The following RP1L1 variants were observed in gnomAD, a reference collection of about 807,000 sequenced individuals.
RP1L1 encodes the protein retinitis pigmentosa 1-like 1 protein.
Under a neutral mutation model 15.7 loss-of-function variants are expected in RP1L1, and 27 were observed. That is an observed-to-expected ratio of 1.72 (90% CI 1.27 to 2.38). The LOEUF is 2.38. Ranked by LOEUF, RP1L1 falls within the 30% of genes most tolerant of loss-of-function variation. The pLI, the probability that RP1L1 is intolerant of heterozygous loss-of-function variation, is 0.00. For missense variants in RP1L1, 4,798 were observed against 3,075.9 expected (o/e 1.56, Z -13.24); for synonymous variants, 1,813 against 1,276.7 (o/e 1.42, Z -8.96).
At chr8:10,652,945 C>T (rs886540453) in intron 1 of RP1L1, among the ~76,000 whole-genome samples, 3 of 152,254 alleles carry the variant, frequency 2.0e-5, no homozygotes, top group Admixed American at 2.0e-4. Flanking sequence ...CTTTGGGGAT[C>T]GATGACATCC....
At position 10,623,134 on chromosome 8, in the gene RP1L1, C is replaced by A. The variant is rs777820137; in HGVS notation, c.68G>T (p.Arg23Leu). 6.2e-6 allele frequency: 10 copies of A among 1,606,728 alleles called. No individual in the cohort carries two copies. The highest frequency in any genetic ancestry group is 8.5e-6 in the Non-Finnish European group (10 of 1,176,582). Reference sequence around the variant, plus strand: ...CGTGACCTTGGTGACCGAGGGGGTGCGAGCCACAGAGGGCAGGAAGCACTC... The same window carrying A: ...CGTGACCTTGGTGACCGAGGGGGTGAGAGCCACAGAGGGCAGGAAGCACTC... ...HRECFLPSVA[R>L]TPSVTKVTPA... Residue 23 changes from arginine to leucine, a missense_variant, in exon 2 of 4, where the codon CGC (arginine) becomes CTC (leucine). Physicochemically the swap from Arg to Leu is moderately radical, Grantham distance 102. Transcript: ENST00000382483.
rs747180512 is a variant in RP1L1, at chr8:10,608,305, G to A, written c.5793C>T (p.Asp1931=). The A allele has an allele frequency of 2.1e-4, 332 of 1,610,846 alleles. 3 individuals are homozygous for A. The Middle Eastern group carries it at 0.01, about 50-fold the overall frequency. ...CCTCTGCACCTTCTGACTCTGGCTCGTCCTCCCCTTCAGTCTCCAGGGCCT... is the reference window on the plus strand; with the variant it reads ...CCTCTGCACCTTCTGACTCTGGCTCATCCTCCCCTTCAGTCTCCAGGGCCT... ...SVEALETEGE[D]EPESEGAEAQ... The change falls in exon 4 of 4, where the codon GAC becomes GAT. Residue 1931 remains aspartate (D), a synonymous_variant. Transcript: ENST00000382483.
At chr8:10,624,930 G>A (rs1037157224) in intron 1 of RP1L1, among the ~76,000 whole-genome samples, 4 of 152,208 alleles carry the variant, frequency 2.6e-5, no homozygotes, top group Admixed American at 6.5e-5. Flanking sequence ...CACCTTCAGT[G>A]ACTCTGAAGC....
At position 10,611,218 on chromosome 8, in the gene RP1L1, C is replaced by G; in HGVS notation, c.2880G>C (p.Trp960Cys). Residue 960 changes from tryptophan to cysteine, a missense_variant, in exon 4 of 4, where the codon TGG (tryptophan) becomes TGC (cysteine). Physicochemically the swap from Trp to Cys is radical, Grantham distance 215. Transcript: ENST00000382483. ...TGGGCTCTTCTGGAATGTTGTCCAG[C>G]CATTCGCGGACCACAGCCTCTGGAG... Reference protein sequence around the residue: ...RSSPEAVVREWLDNIPEEPIL... With the variant: ...RSSPEAVVRECLDNIPEEPIL... The G allele has an allele frequency of 4.3e-6, 7 of 1,613,018 alleles. No individual in the cohort carries two copies. Among genetic ancestry groups the G allele is most frequent in the Non-Finnish European group, 5.9e-6 (7 of 1,180,030 alleles).
At chr8:10,615,616 A>T (rs1446287352) in intron 3 of RP1L1, among the ~76,000 whole-genome samples, 1 of 151,770 alleles carries the variant, frequency 6.6e-6, no homozygotes. Context: ...CAAGTCTCAA[A>T]CTCCTGGGCT....
At chr8:10,631,091 G>A (rs1051538958) in intron 1 of RP1L1, among the ~76,000 whole-genome samples, 2 of 152,100 alleles carry the variant, frequency 1.3e-5, no homozygotes, top group African/African-American at 2.4e-5. Flanking sequence ...AGCCATGGTC[G>A]ACTTCGGAAC....
intron 2 of RP1L1, among the ~76,000 whole-genome samples, chr8:10,617,785 T>C (rs1797994192): frequency 6.6e-6 from 1 of 152,152 alleles, no homozygotes; most frequent in African/African-American, 2.4e-5. Flanking sequence ...CTCGATCTCC[T>C]GACCTCGTGA....
chr8:10,614,206 A>C (rs1465480494), intron 3 of RP1L1, among the ~76,000 whole-genome samples: 1 of 152,148 alleles, frequency 6.6e-6, no homozygotes, highest in Non-Finnish European at 1.5e-5. Flanking sequence ...CTCTGTGATT[A>C]TTAGTGGTGA....
In RP1L1 at chr8:10,613,162, C is replaced by G. The variant is rs746894471; in HGVS notation, c.936G>C (p.Lys312Asn). 1.2e-6 allele frequency: 2 copies of G among 1,613,796 alleles called. No homozygotes were observed. Among genetic ancestry groups the G allele is most frequent in the South Asian group, 2.2e-5 (2 of 91,086 alleles). Residue 312 changes from lysine (K) to asparagine (N), a missense_variant, in exon 4 of 4, where the codon AAG becomes AAC. By Grantham distance (94) the Lys-to-Asn change is moderately conservative (BLOSUM62 0). Coordinates refer to ENST00000382483, the MANE Select transcript of RP1L1 (RefSeq NM_178857.6). ...GGCTGCCGTCCTCATTCATGCGGAC[C>G]TTCTTCTTCATGTCATCGCCAGCCA... ...PLVAGDDMKKKVRMNEDGSLS... is the reference protein window; with the variant it reads ...PLVAGDDMKKNVRMNEDGSLS...
At chr8:10,616,298 G>C in intron 3 of RP1L1, 148 bp downstream of exon 3, 1 of 977,348 alleles carries the variant, frequency 1.0e-6, no homozygotes, top group Non-Finnish European at 1.6e-6. Context: ...GAAGGAGGAA[G>C]AGGCAAGAGA....
chr8:10,610,002 C>T lies in RP1L1; in HGVS notation c.4096G>A (p.Gly1366Arg). The change falls in exon 4 of 4, where the codon GGG (glycine) becomes AGG (arginine). Residue 1366 changes from glycine to arginine, a missense_variant. By Grantham distance (125) the Gly-to-Arg change is moderately radical. Transcript: ENST00000382483. ...AACTGCACCCCCTCTTCTTGCAGCCCTTCTCCTCCTGTTTCTTCAATTTCC... is the reference window on the plus strand; with the variant it reads ...AACTGCACCCCCTCTTCTTGCAGCCTTTCTCCTCCTGTTTCTTCAATTTCC... Reference protein sequence around the residue: ...LEEIEETGGEGLQEEGVQLEE... With the variant: ...LEEIEETGGERLQEEGVQLEE... 1 of 1,588,316 alleles carries T rather than the reference C, an allele frequency of 6.3e-7. No homozygotes were observed. The highest frequency in any genetic ancestry group is 8.6e-7 in the Non-Finnish European group (1 of 1,165,810).
At position 10,611,130 on chromosome 8, in the gene RP1L1, G is replaced by A. The variant is rs767177199; in HGVS notation, c.2968C>T (p.Pro990Ser). The change falls in exon 4 of 4, where the codon CCC becomes TCC. Residue 990 changes from proline (P) to serine (S), a missense_variant. Pro to Ser is a moderately conservative substitution (Grantham distance 74). Coordinates refer to ENST00000382483, the MANE Select transcript of RP1L1 (RefSeq NM_178857.6). ...TGAAGGGLRGPEVDPGDDHSL... is the reference protein window; with the variant it reads ...TGAAGGGLRGSEVDPGDDHSL... ...TGGTCATCCCCAGGGTCCACCTCGG[G>A]GCCTCTCAGGCCACCCCCAGCTGCA... The A allele has an allele frequency of 2.5e-6, 4 of 1,612,888 alleles. No homozygotes were observed. The highest frequency in any genetic ancestry group is 1.1e-5 in the South Asian group (1 of 91,084).
Position 10,612,975 on chromosome 8 carries a change from C to A in RP1L1, c.1123G>T (p.Gly375Cys). 1 of 1,613,188 alleles carries A rather than the reference C, an allele frequency of 6.2e-7. No individual in the cohort carries two copies. The highest frequency in any genetic ancestry group is 8.5e-7 in the Non-Finnish European group (1 of 1,179,938). The change falls in exon 4 of 4, where the codon GGC becomes TGC. Residue 375 changes from glycine to cysteine, a missense_variant. Physicochemically the swap from Gly to Cys is radical, Grantham distance 159 (BLOSUM62 -3). Transcript: ENST00000382483. ...CCCCACACCCCAGGCTCTGAGAAGC[C>A]CCAAGGGTAGCCCTCCCACACACAG... ...LCCVWEGYPW[G>C]FSEPGVWGPR...
intron 1 of RP1L1, among the ~76,000 whole-genome samples, chr8:10,654,113 C>G (rs370771835): frequency 6.6e-6 from 1 of 152,198 alleles, no homozygotes; most frequent in African/African-American, 2.4e-5. Flanking sequence ...CCATGGATCT[C>G]TGCTCACTTG....
At chr8:10,646,053 G>A (rs562098168) in intron 1 of RP1L1, among the ~76,000 whole-genome samples, 10 of 152,278 alleles carry the variant, frequency 6.6e-5, no homozygotes, top group African/African-American at 1.4e-4. Flanking sequence ...GATAGAAGCC[G>A]TCCCTGCACT....
chr8:10,611,185 C>G lies in RP1L1; in HGVS notation c.2913G>C (p.Met971Ile). 1 of 1,612,996 alleles carries G rather than the reference C, an allele frequency of 6.2e-7. No homozygotes were observed. Among genetic ancestry groups the G allele is most frequent in the Non-Finnish European group, 8.5e-7 (1 of 1,180,036 alleles). ...TGGTCTCGTCCGCCAACTCATATGT[C>G]ATGAGTATGGGCTCTTCTGGAATGT... is the stretch of plus-strand genomic sequence containing the variant. ...LDNIPEEPIL[M>I]TYELADETTG... Residue 971 changes from methionine to isoleucine, a missense_variant, in exon 4 of 4, where the codon ATG (methionine) becomes ATC (isoleucine). Coordinates refer to ENST00000382483, the MANE Select transcript of RP1L1 (RefSeq NM_178857.6).
chr8:10,642,093 T>A (rs1274399408), intron 1 of RP1L1, among the ~76,000 whole-genome samples: 1 of 152,202 alleles, frequency 6.6e-6, no homozygotes, highest in African/African-American at 2.4e-5. Flanking sequence ...GGAAACTGGG[T>A]GAAGACTATA....
At chr8:10,641,320 A>C (rs1021884772) in intron 1 of RP1L1, among the ~76,000 whole-genome samples, 2 of 152,226 alleles carry the variant, frequency 1.3e-5, no homozygotes, top group African/African-American at 4.8e-5. Flanking sequence ...TGGATCCTGG[A>C]GTCACCATCT....
At chr8:10,613,529 C>T (rs1220817013) in intron 3 of RP1L1, among the ~76,000 whole-genome samples, 183 bp from the exon 4 acceptor site, 4 of 147,208 alleles carry the variant, frequency 2.7e-5, no homozygotes, top group African/African-American at 1.0e-4. Context: ...TTTGGGAGGC[C>T]GAGGCGGGAG....
Sources: allele counts gnomAD v4.1 joint callset (sites outside exome capture counted in the v4.1 genomes callset), GRCh38; gene constraint gnomAD v4.1.1; transcripts MANE v1.5; gene names NCBI Gene and HGNC (gene_info 2026-07-23, HGNC 2026-07-21).